TPRG1: variants seen among roughly 807,000 people sequenced by gnomAD.
The protein encoded by TPRG1 is tumor protein p63 regulated 1.
Under a neutral mutation model 29.3 loss-of-function variants are expected in TPRG1, and 29 were observed. The observed-to-expected ratio is 0.99, with a 90% CI of 0.74 to 1.35. The LOEUF (loss-of-function observed/expected upper bound fraction) is 1.35. TPRG1 is among the 40% of genes most tolerant of loss of function. The pLI is 0.00. For missense variants in TPRG1, 327 were observed against 335.0 expected (o/e 0.98, Z 0.19); for synonymous variants, 130 against 116.8 (o/e 1.11, Z -0.73).
chr3:189,086,759 G>T (rs913756358), intron 4 of TPRG1, among the ~76,000 whole-genome samples: 1 of 151,880 alleles, frequency 6.6e-6, no homozygotes, highest in Non-Finnish European at 1.5e-5. Context: ...ACTCCTGGAG[G>T]AGTTTTTTTG....
chr3:189,098,295 G>A (rs6802639), upstream of TPRG1, among the ~76,000 whole-genome samples: 14,300 of 152,194 alleles, frequency 0.094, 857 homozygotes, highest in African/African-American at 0.18. Context: ...GGGACAATAC[G>A]AGTAAAGAAA....
chr3:189,237,689 G>A (rs959209588), intron 3 of TPRG1, among the ~76,000 whole-genome samples: 8 of 152,122 alleles, frequency 5.3e-5, no homozygotes, highest in Admixed American at 3.9e-4. Flanking sequence ...TTAATAAAGT[G>A]AACAAGGAGT....
chr3:189,224,491 C>CA (rs1443348252), intron 3 of TPRG1, among the ~76,000 whole-genome samples: 9 of 150,204 alleles, frequency 6.0e-5, no homozygotes, highest in African/African-American at 2.0e-4. Flanking sequence ...ACAACAACAA[C>CA]AACAACAAAA....
chr3:189,239,830 C>T (rs1366343414), intron 4 of TPRG1, among the ~76,000 whole-genome samples: 1 of 152,096 alleles, frequency 6.6e-6, no homozygotes, highest in Non-Finnish European at 1.5e-5. Flanking sequence ...CAGATGTTGA[C>T]AATTACCAAG....
chr3:189,111,471 T>C (rs1419883766), intron 1 of TPRG1, among the ~76,000 whole-genome samples: 1 of 152,104 alleles, frequency 6.6e-6, no homozygotes, highest in Non-Finnish European at 1.5e-5. Context: ...TCATCATAAA[T>C]GGAGGGGCTT....
intron 4 of TPRG1, among the ~76,000 whole-genome samples, chr3:189,262,415 G>C (rs1436459313): frequency 2.0e-5 from 3 of 152,008 alleles, no homozygotes; most frequent in Non-Finnish European, 4.4e-5. Context: ...TATGGGAAGA[G>C]AGGTCGGTTG....
At chr3:189,308,626 G>A (rs377666901) in intron 4 of TPRG1, among the ~76,000 whole-genome samples, 1 of 152,230 alleles carries the variant, frequency 6.6e-6, no homozygotes, top group Non-Finnish European at 1.5e-5. Flanking sequence ...CACATTGACT[G>A]GTTATTTAGA....
chr3:189,293,053 G>A (rs1399987563), intron 4 of TPRG1, among the ~76,000 whole-genome samples: 1 of 152,148 alleles, frequency 6.6e-6, no homozygotes, highest in Non-Finnish European at 1.5e-5. Flanking sequence ...TTCAGAGCTT[G>A]GGCTCAGTTT....
chr3:189,266,173 G>A (rs73061047), intron 4 of TPRG1, among the ~76,000 whole-genome samples: 31,471 of 152,024 alleles, frequency 0.21, 4,332 homozygotes, highest in African/African-American at 0.4. Flanking sequence ...TCTACCCCAC[G>A]GAGTTGTGGG....
intron 5 of TPRG1, among the ~76,000 whole-genome samples, chr3:189,320,076 G>C (rs1724131352): frequency 6.6e-6 from 1 of 151,956 alleles, no homozygotes; most frequent in Non-Finnish European, 1.5e-5. Context: ...TTTCCTTCTA[G>C]AATTTATCAC....
intron 1 of TPRG1, among the ~76,000 whole-genome samples, chr3:189,126,812 T>C (rs1427949437): frequency 1.3e-5 from 2 of 152,232 alleles, no homozygotes; most frequent in Non-Finnish European, 2.9e-5. Flanking sequence ...TATTGCTAGT[T>C]GTATCTTATT....
At chr3:189,221,309 G>T (rs1736908497) in intron 3 of TPRG1, among the ~76,000 whole-genome samples, 1 of 152,226 alleles carries the variant, frequency 6.6e-6, no homozygotes, top group Non-Finnish European at 1.5e-5. Flanking sequence ...TCTAGGCTCA[G>T]AAGAGTAGCA....
At chr3:189,198,079 T>G (rs1260702065) in intron 1 of TPRG1, among the ~76,000 whole-genome samples, 2 of 152,158 alleles carry the variant, frequency 1.3e-5, no homozygotes, top group Non-Finnish European at 2.9e-5. Context: ...CATTGCAAAA[T>G]GTTAGTTTTC....
intron 4 of TPRG1, among the ~76,000 whole-genome samples, chr3:189,038,488 A>G (rs761239334): frequency 1.8e-4 from 28 of 152,142 alleles, no homozygotes; most frequent in Non-Finnish European, 2.8e-4. Context: ...TTTTGAATTA[A>G]ACATTAGTAT....
At chr3:189,246,227 C>T (rs1379897487) in intron 4 of TPRG1, among the ~76,000 whole-genome samples, 4 of 152,144 alleles carry the variant, frequency 2.6e-5, no homozygotes, top group Admixed American at 2.0e-4. Context: ...CCATGTAAGA[C>T]GTCCCTTTGC....
At chr3:189,111,701 C>T (rs569347863) in intron 1 of TPRG1, among the ~76,000 whole-genome samples, 1 of 152,180 alleles carries the variant, frequency 6.6e-6, no homozygotes, top group African/African-American at 2.4e-5. Flanking sequence ...ACATGATTGC[C>T]CGTGTATCCT....
intron 4 of TPRG1, among the ~76,000 whole-genome samples, chr3:189,295,928 A>G (rs1576993343): frequency 3.3e-5 from 1 of 30,768 alleles, no homozygotes; most frequent in East Asian, 4.0e-4. Context: ...AAAAAAAAAA[A>G]AAAACATTTA....
intron 4 of TPRG1, among the ~76,000 whole-genome samples, chr3:189,069,198 A>G (rs2152150743): frequency 6.6e-6 from 1 of 152,362 alleles, no homozygotes; most frequent in Admixed American, 6.5e-5. Flanking sequence ...CATGTGTACA[A>G]CAGCCTGGAT....
chr3:189,024,021 C>G (rs186470947), intron 4 of TPRG1: 95 of 152,468 alleles, frequency 6.2e-4, no homozygotes, highest in Admixed American at 5.7e-3. Context: ...TTTGGTAGAG[C>G]AGCTTTGCTG....
Sources: allele counts gnomAD v4.1 joint callset (sites outside exome capture counted in the v4.1 genomes callset), GRCh38; gene constraint gnomAD v4.1.1; transcripts MANE v1.5; gene names NCBI Gene and HGNC (gene_info 2026-07-23, HGNC 2026-07-21).